The following CD163 variants were observed in gnomAD, a reference collection of about 807,000 sequenced individuals.
The protein encoded by CD163 is scavenger receptor cysteine-rich type 1 protein M130.
Under a neutral mutation model 129.2 loss-of-function variants are expected in CD163, and 64 were observed. The observed-to-expected ratio is 0.50, with a 90% CI of 0.41 to 0.61. CD163 has a LOEUF of 0.61. Ranked by LOEUF, CD163 falls within the 20% of genes least tolerant of loss-of-function variation. The probability of loss-of-function intolerance (pLI) is 0.00; values close to 1 mark genes in which losing one functional copy is unlikely to be tolerated. For missense variants in CD163, 1,061 were observed against 1,377.9 expected (o/e 0.77, Z 3.64); for synonymous variants, 446 against 478.5 (o/e 0.93, Z 0.89).
intron 16 of CD163, chr12:7,473,040 G>A (rs1949028948): frequency 6.6e-6 from 1 of 152,124 alleles, no homozygotes; most frequent in Admixed American, 6.5e-5. Context: ...GAATGAAAAG[G>A]AACAAACAAA....
At chr12:7,495,003 C>T in intron 6 of CD163, 78 bp downstream of exon 6, 1 of 1,087,210 alleles carries the variant, frequency 9.2e-7, no homozygotes, top group Non-Finnish European at 1.4e-6. Context: ...GTCATAAGGA[C>T]CAATGTTTCT....
At chr12:7,483,714 C>A in intron 11 of CD163, 39 bp from the exon 12 acceptor site, 3 of 1,410,548 alleles carry the variant, frequency 2.1e-6, no homozygotes, top group Non-Finnish European at 2.9e-6. Context: ...TCTAAGACTT[C>A]TAAAAGTTTC....
intron 16 of CD163, among the ~76,000 whole-genome samples, chr12:7,478,603 C>G (rs1341856331): frequency 6.6e-6 from 1 of 151,938 alleles, no homozygotes; most frequent in Non-Finnish European, 1.5e-5. Flanking sequence ...TCTAAGAACT[C>G]TATGTATCTA....
Position 7,496,035 on chromosome 12 carries a change from T to C in CD163, c.1100-634A>G, listed in dbSNP as rs1159233617. Among the ~76,000 whole-genome samples, 1 of 152,210 alleles carries C rather than the reference T, an allele frequency of 6.6e-6. No individual in the cohort carries two copies. The highest frequency in any genetic ancestry group is 2.4e-5 in the African/African-American group (1 of 41,452). Reference sequence around the variant, plus strand: ...AAAGACACATGCACATGTATGTTTATTGCAGCACTATCTACAATAACAAAG... The same window carrying C: ...AAAGACACATGCACATGTATGTTTACTGCAGCACTATCTACAATAACAAAG... On this transcript the variant is annotated intron_variant, in intron 5 of 16. Transcript: ENST00000432237. The surrounding 1 kb of genome is among the most constrained non-coding windows in gnomAD (Gnocchi z 4.8).
chr12:7,480,478 A>C (rs1435666818), intron 15 of CD163: 2 of 152,662 alleles, frequency 1.3e-5, no homozygotes, highest in African/African-American at 4.8e-5. Flanking sequence ...TTTAGGGAAA[A>C]ATATAATAAA....
At chr12:7,484,178 C>T (rs1949214955) in intron 11 of CD163, among the ~76,000 whole-genome samples, 1 of 151,530 alleles carries the variant, frequency 6.6e-6, no homozygotes, top group Non-Finnish European at 1.5e-5. Flanking sequence ...TATAAGAGGA[C>T]TTGTCATTAC....
At chr12:7,480,934 C>T in intron 15 of CD163, 1 of 1,214,488 alleles carries the variant, frequency 8.2e-7, no homozygotes, top group Non-Finnish European at 1.0e-6. Flanking sequence ...CTTTCCATAC[C>T]TCTATCAGGA....
rs374794909 is a variant in CD163 at position 7,486,961 on chromosome 12, C to T, written c.2076G>A (p.Ser692=). 4.0e-5 allele frequency: 64 copies of T among 1,614,062 alleles called. No homozygotes were observed. Among genetic ancestry groups the T allele is most frequent in the African/African-American group, 1.1e-4 (8 of 75,038 alleles). Reference sequence around the variant, plus strand: ...TTGGGCCCAAAGACGATGAATTGCACGAGGACAGTGTTTGGGACTGGTTTC... The same window carrying T: ...TTGGGCCCAAAGACGATGAATTGCATGAGGACAGTGTTTGGGACTGGTTTC... The part of the protein sequence containing the change: ...CSGNQSQTLS[S]CNSSSLGPTR... The change falls in exon 9 of 17, where the codon TCG becomes TCA. Residue 692 remains serine, a synonymous_variant. Coordinates refer to ENST00000432237, the MANE Select transcript of CD163 (RefSeq NM_203416.4).
At chr12:7,499,448 T>C (rs7488222) in intron 3 of CD163, among the ~76,000 whole-genome samples, 116,692 of 152,112 alleles carry the variant, frequency 0.77, 47,667 homozygotes, top group Non-Finnish European at 0.91. Flanking sequence ...TTTGTTTCCA[T>C]CTATTACTAG....
At position 7,482,716 on chromosome 12, in the gene CD163, C is replaced by T; in HGVS notation, c.3174G>A (p.Gly1058=). 1 of 1,614,068 alleles carries T rather than the reference C, an allele frequency of 6.2e-7. No individual in the cohort carries two copies. Among genetic ancestry groups the T allele is most frequent in the Non-Finnish European group, 8.5e-7 (1 of 1,179,984 alleles). Residue 1058 remains glycine, a synonymous_variant, in exon 14 of 17, where the codon GGG becomes GGA. Transcript: ENST00000432237. Reference sequence around the variant, plus strand: ...CGACGAAAATGGCCAACAGAACAACCCCAAGGATCCCGACTGCAATAAAGG... The same window carrying T: ...CGACGAAAATGGCCAACAGAACAACTCCAAGGATCCCGACTGCAATAAAGG... ...QSSFIAVGIL[G]VVLLAIFVAL...
chr12:7,503,202 CT>C (rs889081186), intron 1 of CD163, among the ~76,000 whole-genome samples: 1 of 152,168 alleles, frequency 6.6e-6, no homozygotes, highest in African/African-American at 2.4e-5. Context: ...ACTCTCATAT[CT>C]TCTCGTTACT....
intron 14 of CD163, 76 bp downstream of exon 14, chr12:7,482,567 T>C (rs1949176218): frequency 6.6e-7 from 1 of 1,510,404 alleles, no homozygotes; most frequent in South Asian, 1.2e-5. Context: ...GCCATTAGAC[T>C]TGAGTCTAAT....
At chr12:7,498,727 C>T in intron 4 of CD163, 141 bp downstream of exon 4, 1 of 795,916 alleles carries the variant, frequency 1.3e-6, no homozygotes, top group Non-Finnish European at 2.0e-6. Flanking sequence ...GGTATCAGAA[C>T]TGGAACCTGA....
At position 7,486,657 on chromosome 12, in the gene CD163, T is replaced by A; in HGVS notation, c.2300A>T (p.Asn767Ile). The A allele has an allele frequency of 6.2e-7, 1 of 1,614,158 alleles. No individual in the cohort carries two copies. The change falls in exon 10 of 17, where the codon AAT becomes ATT. Residue 767 changes from asparagine (N) to isoleucine (I), a missense_variant. Transcript: ENST00000432237. The stretch of plus-strand genomic sequence containing the variant: ...CCCAAAATGAGCAGAACCAGTGGCA[T>A]TAATGGCCTCTCCACAGCCCAGCTG... ...CRQLGCGEAI[N>I]ATGSAHFGEG...
At chr12:7,483,760 T>TA (rs35675142) in intron 11 of CD163, 85 bp from the exon 12 acceptor site, 45,301 of 402,540 alleles carry the variant, frequency 0.11, 26 homozygotes, top group East Asian at 0.13. Flanking sequence ...ATTTGAAACT[T>TA]AAAAAAAAAA....
At chr12:7,492,276 C>T (rs1002768180) in intron 6 of CD163, among the ~76,000 whole-genome samples, 1 of 152,076 alleles carries the variant, frequency 6.6e-6, no homozygotes, top group East Asian at 1.9e-4. Flanking sequence ...CTGTGAAGTA[C>T]GGAGCCCACC....
rs755649636 is a variant in CD163, at chr12:7,487,984, AG to A, written c.1523del (p.Ser508PhefsTer52). The A allele has an allele frequency of 3.7e-6, 6 of 1,614,052 alleles. No individual in the cohort carries two copies. Among genetic ancestry groups the A allele is most frequent in the Non-Finnish European group, 5.1e-6 (6 of 1,180,032 alleles). ...TGCATAGAACGCTGGCAGCTTCCAGAGAGAAGTCCGAATCACAGATGGAGCC... is the reference window on the plus strand; with the variant it reads ...TGCATAGAACGCTGGCAGCTTCCAGAAGAAGTCCGAATCACAGATGGAGCC... ...TWGSICDSDF[S>X]LEAASVLCRE... On this transcript the variant is annotated frameshift_variant, in exon 7 of 17. Coordinates refer to ENST00000432237, the MANE Select transcript of CD163 (RefSeq NM_203416.4). LOFTEE classifies it high-confidence loss of function. This position sits in a 1 kb window ranked among gnomAD's most constrained non-coding sequence, Gnocchi z 5.1.
At position 7,487,443 on chromosome 12, in the gene CD163, C is replaced by T; in HGVS notation, c.1966G>A (p.Glu656Lys). 1 of 1,614,026 alleles carries T rather than the reference C, an allele frequency of 6.2e-7. No individual in the cohort carries two copies. The highest frequency in any genetic ancestry group is 8.5e-7 in the Non-Finnish European group (1 of 1,179,976). Residue 656 changes from glutamate to lysine, a missense_variant, in exon 8 of 17, where the codon GAG becomes AAG. By Grantham distance (56) the Glu-to-Lys change is moderately conservative. Transcript: ENST00000432237. This position sits in a 1 kb window ranked among gnomAD's most constrained non-coding sequence, Gnocchi z 5.1. The stretch of plus-strand genomic sequence containing the variant: ...ACAGGACAATCTCCCATGTGCTGCT[C>T]AGTCCCAGTGCAGTGAAACATATGC... ...WRHMFHCTGTEQHMGDCPVTA... is the reference protein window; with the variant it reads ...WRHMFHCTGTKQHMGDCPVTA...
intron 15 of CD163, 198 bp from the exon 16 acceptor site, chr12:7,480,111 T>C (rs1274822630): frequency 1.1e-6 from 1 of 906,504 alleles, no homozygotes; most frequent in Non-Finnish European, 1.6e-6. Context: ...GCATGTGTGA[T>C]TTAAGGGGCA....
Sources: allele counts gnomAD v4.1 joint callset (sites outside exome capture counted in the v4.1 genomes callset), GRCh38; gene constraint gnomAD v4.1.1; non-coding constraint Gnocchi (gnomAD v3.1); transcripts MANE v1.5; gene names NCBI Gene and HGNC (gene_info 2026-07-23, HGNC 2026-07-21).